The following PDE6A variants were observed in gnomAD, a reference collection of about 807,000 sequenced individuals.
The protein encoded by PDE6A is phosphodiesterase 6A, also known as rod cGMP-specific 3',5'-cyclic phosphodiesterase subunit alpha.
In PDE6A, 84 loss-of-function variants were observed where a neutral mutation model predicts 106.3. The ratio of observed to expected loss-of-function variants is 0.79; its 90% confidence interval spans 0.66 to 0.95. The LOEUF is 0.95. PDE6A is among the 40% of genes least tolerant of loss of function. The pLI, the probability that PDE6A is intolerant of heterozygous loss-of-function variation, is 0.00. For missense variants in PDE6A, 1,052 were observed against 1,084.9 expected (o/e 0.97, Z 0.43); for synonymous variants, 394 against 386.6 (o/e 1.02, Z -0.23).
chr5:149,932,708 A>G (rs1754077215), intron 3 of PDE6A: 2 of 1,551,290 alleles, frequency 1.3e-6, no homozygotes, highest in African/African-American at 2.7e-5. Context: ...CCCACTCACC[A>G]AATGTGTACC....
At chr5:149,921,775 C>T in intron 4 of PDE6A, 66 bp from the exon 5 acceptor site, 1 of 1,227,462 alleles carries the variant, frequency 8.1e-7, no homozygotes, top group South Asian at 1.2e-5. Flanking sequence ...ATTAAGATGT[C>T]CCACCTCCAT....
chr5:149,933,830 T>C (rs1222811185), intron 3 of PDE6A, 100 bp downstream of exon 3: 1 of 828,618 alleles, frequency 1.2e-6, no homozygotes, highest in Non-Finnish European at 2.0e-6. Flanking sequence ...GAGACTGGCT[T>C]CCTAGGCACC....
chr5:149,921,311 G>A (rs10039825), intron 5 of PDE6A, among the ~76,000 whole-genome samples: 6,151 of 152,062 alleles, frequency 0.04, 417 homozygotes, highest in African/African-American at 0.14. Context: ...AAAGAAAAAG[G>A]AAGGAAGGAA....
At chr5:149,896,539 G>A in intron 11 of PDE6A, 37 bp from the exon 12 acceptor site, 1 of 1,614,052 alleles carries the variant, frequency 6.2e-7, no homozygotes, top group Non-Finnish European at 8.5e-7. Context: ...TAGGAAACAT[G>A]AAGTGTTTCT....
chr5:149,924,179 G>T (rs1055059744), intron 4 of PDE6A, among the ~76,000 whole-genome samples: 3 of 152,142 alleles, frequency 2.0e-5, no homozygotes, highest in African/African-American at 7.2e-5. Context: ...AGAACTTATT[G>T]TCTCATGAAG....
chr5:149,877,476 C>G (rs1378593610), intron 17 of PDE6A, among the ~76,000 whole-genome samples: 1 of 152,202 alleles, frequency 6.6e-6, no homozygotes, highest in African/African-American at 2.4e-5. Flanking sequence ...GCGGTGCAAT[C>G]TTAGCTCACT....
intron 3 of PDE6A, among the ~76,000 whole-genome samples, chr5:149,931,549 AG>A (rs770079187): frequency 1.6e-4 from 25 of 152,246 alleles, no homozygotes; most frequent in Non-Finnish European, 2.9e-4. Context: ...AATCTGTACA[AG>A]TACCTAATGA....
intron 4 of PDE6A, among the ~76,000 whole-genome samples, chr5:149,925,953 C>A: frequency 6.6e-6 from 1 of 151,428 alleles, no homozygotes; most frequent in Non-Finnish European, 1.5e-5. Flanking sequence ...GTAAATATAC[C>A]AATGGAGGCT....
At chr5:149,938,476 A>G (rs948012458) in intron 1 of PDE6A, among the ~76,000 whole-genome samples, 1 of 152,172 alleles carries the variant, frequency 6.6e-6, no homozygotes, top group African/African-American at 2.4e-5. Context: ...TCAATAAACT[A>G]TGGTAAGTAT....
At chr5:149,895,761 G>A (rs2113584412) in intron 12 of PDE6A, among the ~76,000 whole-genome samples, 1 of 152,282 alleles carries the variant, frequency 6.6e-6, no homozygotes, top group Non-Finnish European at 1.5e-5. Flanking sequence ...GTGTGTGTGT[G>A]TGTGTCTGTG....
At position 149,889,081 on chromosome 5, in the gene PDE6A, C is replaced by CAAAAAAAAAAAAAAAAAAA. The variant is rs568428704; in HGVS notation, c.1729-2708_1729-2707insTTTTTTTTTTTTTTTTTTT. ...TGGGCGACAGAGTGAGACTCTGTCT[C>CAAAAAAAAAAAAAAAAAAA]AAAAAAAAAAAAAAAAAGATCAGAA... On this transcript the variant is annotated intron_variant, in intron 13 of 21. Coordinates refer to ENST00000255266, the MANE Select transcript of PDE6A (RefSeq NM_000440.3). Among the ~76,000 whole-genome samples, 338 of 61,384 alleles carry CAAAAAAAAAAAAAAAAAAA rather than the reference C, an allele frequency of 5.5e-3. 21 individuals carry two copies. Among genetic ancestry groups the CAAAAAAAAAAAAAAAAAAA allele is most frequent in the Middle Eastern group, 0.023 (2 of 86 alleles). 40.3% of individuals were successfully genotyped at this position (61,384 alleles called of 152,430 possible). A position where few individuals can be genotyped will look rare whatever the true frequency, so the allele number is the denominator to read the frequency against.
intron 6 of PDE6A, among the ~76,000 whole-genome samples, chr5:149,913,228 A>G (rs540457947): frequency 5.9e-5 from 9 of 152,004 alleles, no homozygotes; most frequent in Middle Eastern, 3.4e-3. Flanking sequence ...CTAAAAATAC[A>G]CAAATTAGCT....
chr5:149,864,821 C>T (rs79524868), intron 20 of PDE6A, among the ~76,000 whole-genome samples: 1,525 of 152,308 alleles, frequency 0.01, 59 homozygotes, highest in Admixed American at 0.078. Flanking sequence ...CGGGTCACTA[C>T]CAGAGCTTAC....
intron 20 of PDE6A, among the ~76,000 whole-genome samples, chr5:149,864,457 G>A (rs1345432234): frequency 6.6e-6 from 1 of 151,934 alleles, no homozygotes; most frequent in African/African-American, 2.4e-5. Context: ...GGTCAGGCTG[G>A]TCTCGAACTC....
chr5:149,898,517 A>G lies in PDE6A; in HGVS notation c.1264-11T>C. 3 of 1,612,040 alleles carry G rather than the reference A, an allele frequency of 1.9e-6. No homozygotes were observed. The highest frequency in any genetic ancestry group is 1.1e-5 in the South Asian group (1 of 91,058). ...AAATTGAGTCAAAGACTGAAAAAGAAAGAAAGGAGGAATCAGAGACAGAAC... is the reference window on the plus strand; with the variant it reads ...AAATTGAGTCAAAGACTGAAAAAGAGAGAAAGGAGGAATCAGAGACAGAAC... On this transcript the variant is annotated splice_polypyrimidine_tract_variant and intron_variant, in intron 9 of 21. Transcript: ENST00000255266.
chr5:149,900,198 A>G (rs1248182907), intron 8 of PDE6A, among the ~76,000 whole-genome samples: 1 of 151,570 alleles, frequency 6.6e-6, no homozygotes, highest in Non-Finnish European at 1.5e-5. Flanking sequence ...TACTAAAAAT[A>G]CAAAAATTAG....
chr5:149,936,028 C>T (rs1053636805), intron 1 of PDE6A, among the ~76,000 whole-genome samples: 1 of 152,050 alleles, frequency 6.6e-6, no homozygotes, highest in African/African-American at 2.4e-5. Context: ...GTGACATGTG[C>T]CTGTAGTTCC....
chr5:149,891,857 C>A (rs1412530097), intron 13 of PDE6A, among the ~76,000 whole-genome samples: 3 of 151,848 alleles, frequency 2.0e-5, no homozygotes, highest in African/African-American at 7.3e-5. Flanking sequence ...TCTAGCAAGA[C>A]AATAAAAATC....
Position 149,890,023 on chromosome 5 carries a change from T to C in PDE6A, c.1729-3649A>G, listed in dbSNP as rs571727197. On this transcript the variant is annotated intron_variant, in intron 13 of 21. Transcript: ENST00000255266. ...CAGGCTGGAGTGCAGTGGCACGATC[T>C]CAACTCACTGCAACCTCTGCCTCCC... Among the ~76,000 whole-genome samples the C allele has an allele frequency of 8.1e-4, 120 of 148,048 alleles. 1 individual carries two copies. The highest frequency in any genetic ancestry group is 2.8e-3 in the African/African-American group (114 of 40,410).
Sources: allele counts gnomAD v4.1 joint callset (sites outside exome capture counted in the v4.1 genomes callset), GRCh38; gene constraint gnomAD v4.1.1; transcripts MANE v1.5; gene names NCBI Gene and HGNC (gene_info 2026-07-23, HGNC 2026-07-21).